The following LARP1B variants were observed in gnomAD, a reference collection of about 807,000 sequenced individuals.
The protein encoded by LARP1B is La ribonucleoprotein 1B, also known as la-related protein 1B.
In LARP1B, 76 loss-of-function variants were observed where a neutral mutation model predicts 114.2. That is an observed-to-expected ratio of 0.67 (90% CI 0.55 to 0.81). LARP1B has a LOEUF of 0.81. Ranked by LOEUF, LARP1B falls within the 30% of genes least tolerant of loss-of-function variation. The probability of loss-of-function intolerance (pLI) is 0.00; values close to 1 mark genes in which losing one functional copy is unlikely to be tolerated. For synonymous variants in LARP1B, 345 were observed against 348.0 expected, an observed-to-expected ratio of 0.99 and a Z score of 0.10; for missense variants, 1,014 against 1,075.8, an observed-to-expected ratio of 0.94 and a Z score of 0.80.
intron 5 of LARP1B, among the ~76,000 whole-genome samples, chr4:128,090,678 A>G (rs1410427363): frequency 6.6e-6 from 1 of 152,240 alleles, no homozygotes; most frequent in African/African-American, 2.4e-5. Flanking sequence ...AGTTTTATGT[A>G]GTACAAACTT....
In LARP1B at chr4:128,107,270, T is replaced by C; in HGVS notation, c.945T>C (p.Asp315=). Residue 315 remains aspartate, a synonymous_variant, in exon 9 of 20, where the codon GAT becomes GAC. Transcript: ENST00000326639. ...CAACAGACTTCTCTCAACTGATTGATTGTCCAGAGTTTGTACCAGGCCAAG... is the reference window on the plus strand; with the variant it reads ...CAACAGACTTCTCTCAACTGATTGACTGTCCAGAGTTTGTACCAGGCCAAG... ...VPPTDFSQLI[D]CPEFVPGQAF... 3 of 1,614,178 alleles carry C rather than the reference T, an allele frequency of 1.9e-6. No individual in the cohort carries two copies. The highest frequency in any genetic ancestry group is 1.1e-5 in the South Asian group (1 of 91,080).
At chr4:128,101,433 G>T (rs1226969799) in intron 8 of LARP1B, among the ~76,000 whole-genome samples, 1 of 151,846 alleles carries the variant, frequency 6.6e-6, no homozygotes, top group East Asian at 1.9e-4. Flanking sequence ...ATAAAATAAT[G>T]ATTTGTTGGT....
rs1211143208 is a variant in LARP1B at position 128,166,958 on chromosome 4, CTCTCTCTCTCTCTATA to C, written c.1648+4643_1648+4658del. On this transcript the variant is annotated intron_variant, in intron 12 of 19. Transcript: ENST00000326639. ...TCTCTCTCTCTCTCTCTCTCTCTCT[CTCTCTCTCTCTCTATA>C]TATATATATATATATATATACACAC... Among the ~76,000 whole-genome samples, 47 of 113,644 alleles carry C rather than the reference CTCTCTCTCTCTCTATA, an allele frequency of 4.1e-4. 1 individual carries two copies. Among genetic ancestry groups the C allele is most frequent in the African/African-American group, 9.3e-4 (27 of 28,972 alleles). The allele number at this position is 113,644 out of a possible 152,430, so 74.6% of individuals were successfully genotyped here.
In LARP1B at chr4:128,082,061, C is replaced by T. The variant is rs965716892; in HGVS notation, c.218-104C>T. ...TCTTTACAAATAATCTTAAAATACA[C>T]ATTAAGTGTTTCACTTATTTGATTA... On this transcript the variant is annotated intron_variant, in intron 4 of 19. Transcript: ENST00000326639. The T allele has an allele frequency of 6.7e-6, 7 of 1,038,148 alleles. No individual in the cohort carries two copies. The African/African-American group carries it at 9.6e-5, about 14-fold the overall frequency. The allele number at this position is 1,038,148 out of a possible 1,614,324, so 64.3% of individuals were successfully genotyped here. A position where few individuals can be genotyped will look rare whatever the true frequency, so the allele number is the denominator to read the frequency against.
chr4:128,082,335 T>A, intron 5 of LARP1B, 30 bp downstream of exon 5: 1 of 1,597,962 alleles, frequency 6.3e-7, no homozygotes, highest in Non-Finnish European at 8.6e-7. Flanking sequence ...CAAAAATGAC[T>A]AAGGAAAGAC....
rs200585721 is a variant in LARP1B at position 128,122,118 on chromosome 4, A to G, written c.1454A>G (p.Asn485Ser). 4.9e-5 allele frequency: 79 copies of G among 1,614,150 alleles called. No individual in the cohort carries two copies. Among genetic ancestry groups the G allele is most frequent in the Admixed American group, 8.3e-5 (5 of 60,030 alleles). The part of the protein sequence containing the change: ...KITSELAKVI[N>S]DGLYYYEQDL... ...ACATCTGAACTTGCTAAAGTTATCA[A>G]TGATGGCTTATACTATTATGAACAG... Residue 485 changes from asparagine (N) to serine (S), a missense_variant, in exon 11 of 20, where the codon AAT (asparagine) becomes AGT (serine). Physicochemically the swap from Asn to Ser is conservative, Grantham distance 46. Coordinates refer to ENST00000326639, the MANE Select transcript of LARP1B (RefSeq NM_018078.4).
rs1022237881 is a variant in LARP1B, at chr4:128,192,231, CTT to C, written c.2004-7205_2004-7204del. ...AGAGTACAGTATAATGTAAATATAA[CTT>C]TTATATTTACTGGGAAGCCAAAATA... is the stretch of plus-strand genomic sequence containing the variant. On this transcript the variant is annotated intron_variant, in intron 15 of 19. Transcript: ENST00000326639. Among the ~76,000 whole-genome samples the C allele has an allele frequency of 1.1e-3, 163 of 152,144 alleles. 1 individual carries two copies. Among genetic ancestry groups the C allele is most frequent in the African/African-American group, 3.8e-3 (159 of 41,500 alleles).
intron 8 of LARP1B, among the ~76,000 whole-genome samples, chr4:128,099,997 C>A (rs1779707150): frequency 6.6e-6 from 1 of 151,526 alleles, no homozygotes; most frequent in South Asian, 2.1e-4. Flanking sequence ...TCTTGTTGCC[C>A]AGGCTGGAGT....
At chr4:128,193,902 G>T (rs1217279736) in intron 15 of LARP1B, among the ~76,000 whole-genome samples, 1 of 152,224 alleles carries the variant, frequency 6.6e-6, no homozygotes, top group Non-Finnish European at 1.5e-5. Flanking sequence ...ACAGGCGTGA[G>T]CCACTGCGCT....
intron 15 of LARP1B, among the ~76,000 whole-genome samples, chr4:128,181,464 C>G (rs769473453): frequency 1.3e-5 from 2 of 152,142 alleles, no homozygotes; most frequent in Non-Finnish European, 2.9e-5. Context: ...AGGCATGAGC[C>G]ACACTGCGCC....
At chr4:128,135,342 C>G (rs1302175826) in intron 11 of LARP1B, among the ~76,000 whole-genome samples, 2 of 151,798 alleles carry the variant, frequency 1.3e-5, no homozygotes, top group East Asian at 3.9e-4. Context: ...ATGGTGCAGC[C>G]CTTATGGAAT....
At chr4:128,144,291 A>G (rs1483563182) in intron 11 of LARP1B, among the ~76,000 whole-genome samples, 2 of 152,082 alleles carry the variant, frequency 1.3e-5, no homozygotes, top group Non-Finnish European at 2.9e-5. Context: ...CAGTTTTACT[A>G]TGATGTGTCT....
intron 11 of LARP1B, among the ~76,000 whole-genome samples, chr4:128,140,089 TTAA>T (rs1408683832): frequency 6.6e-6 from 1 of 152,260 alleles, no homozygotes; most frequent in Non-Finnish European, 1.5e-5. Flanking sequence ...ATCTCAAATT[TTAA>T]TAATTATTGC....
At chr4:128,209,148 G>T (rs1382674156) in intron 19 of LARP1B, among the ~76,000 whole-genome samples, 1 of 152,196 alleles carries the variant, frequency 6.6e-6, no homozygotes, top group Non-Finnish European at 1.5e-5. Flanking sequence ...GCCAGGCATG[G>T]TGGCTCATGC....
chr4:128,221,843 TG>T (rs1172707742), intron 7 of LARP1B, among the ~76,000 whole-genome samples: 1 of 152,216 alleles, frequency 6.6e-6, no homozygotes, highest in African/African-American at 2.4e-5. Flanking sequence ...AGTTGAATCC[TG>T]GCCCCTCTCA....
At chr4:128,084,940 T>C (rs1029078204) in intron 5 of LARP1B, among the ~76,000 whole-genome samples, 1 of 151,778 alleles carries the variant, frequency 6.6e-6, no homozygotes, top group South Asian at 2.1e-4. Context: ...CTGGGCTCAC[T>C]GCAACCTCTG....
chr4:128,084,571 A>G (rs1772547710), intron 5 of LARP1B, among the ~76,000 whole-genome samples: 9 of 151,672 alleles, frequency 5.9e-5, no homozygotes, highest in Admixed American at 5.9e-4. Context: ...CCGAGATGGC[A>G]GCAGTACAGT....
At chr4:128,073,961 G>C (rs1766759875) in intron 1 of LARP1B, among the ~76,000 whole-genome samples, 2 of 150,916 alleles carry the variant, frequency 1.3e-5, no homozygotes, top group African/African-American at 4.9e-5. Context: ...GTTTTTTGTG[G>C]TGGAGTTTTG....
At chr4:128,118,479 G>A (rs1179886007) in intron 10 of LARP1B, among the ~76,000 whole-genome samples, 6 of 150,812 alleles carry the variant, frequency 4.0e-5, no homozygotes, top group East Asian at 3.9e-4. Flanking sequence ...CTCGTGATCC[G>A]CCCGCCTCAG....
Sources: allele counts gnomAD v4.1 joint callset (sites outside exome capture counted in the v4.1 genomes callset), GRCh38; gene constraint gnomAD v4.1.1; transcripts MANE v1.5; gene names NCBI Gene and HGNC (gene_info 2026-07-23, HGNC 2026-07-21).